MICALL1: variants seen among roughly 807,000 people sequenced by gnomAD.
MICALL1 encodes the protein MICAL-like protein 1.
Under a neutral mutation model 83.7 loss-of-function variants are expected in MICALL1, and 61 were observed. The observed-to-expected ratio is 0.73, with a 90% CI of 0.59 to 0.90. MICALL1 has a LOEUF of 0.90. MICALL1 is among the 40% of genes least tolerant of loss of function. The pLI, the probability that MICALL1 is intolerant of heterozygous loss-of-function variation, is 0.00. For synonymous variants in MICALL1, 481 were observed against 473.6 expected, an observed-to-expected ratio of 1.02 and a Z score of -0.20; for missense variants, 1,066 against 1,152.0, an observed-to-expected ratio of 0.93 and a Z score of 1.08.
chr22:37,927,131 T>G, intron 8 of MICALL1: 2 of 407,186 alleles, frequency 4.9e-6, no homozygotes, highest in East Asian at 3.6e-5. Context: ...CCCAAGGTGG[T>G]TTTGCTGTGG....
chr22:37,923,144 T>G (rs368237000), intron 6 of MICALL1, among the ~76,000 whole-genome samples: 3 of 152,128 alleles, frequency 2.0e-5, no homozygotes, highest in Middle Eastern at 3.4e-3. Context: ...TTGGCCAGGC[T>G]GGTCTCAAAC....
rs368254870 is a variant in MICALL1 at position 37,927,475 on chromosome 22, C to T, written c.1530C>T (p.Ser510=). The T allele has an allele frequency of 1.7e-5, 27 of 1,610,088 alleles. No homozygotes were observed. Among genetic ancestry groups the T allele is most frequent in the South Asian group, 1.6e-4 (15 of 91,016 alleles). ...CGGCCACACCATCGCCAGCGCTCAG[C>T]GTGGAGAGCCTGTCGTCTGAGAGCG... is the stretch of plus-strand genomic sequence containing the variant. ...PPSATPSPAL[S]VESLSSESAS... Residue 510 remains serine (S), a synonymous_variant, in exon 9 of 16, where the codon AGC becomes AGT. Coordinates refer to ENST00000215957, the MANE Select transcript of MICALL1 (RefSeq NM_033386.4).
rs377334869 is a variant in MICALL1 at position 37,937,716 on chromosome 22, G to A, written c.2424-30G>A. 2.0e-5 allele frequency: 33 copies of A among 1,610,690 alleles called. No individual in the cohort carries two copies. The East Asian group carries it at 3.1e-4, about 15-fold the overall frequency. On this transcript the variant is annotated intron_variant, in intron 14 of 15. Transcript: ENST00000215957. The stretch of plus-strand genomic sequence containing the variant: ...TGGGATTACAGGTGTGAGCCACCAC[G>A]CCCAGCTTAACTGCTGCTGCTTATT...
rs1929714517 is a variant in MICALL1 at position 37,930,233 on chromosome 22, G to C, written c.1882-1566G>C. On this transcript the variant is annotated intron_variant, in intron 9 of 15. Coordinates refer to ENST00000215957, the MANE Select transcript of MICALL1 (RefSeq NM_033386.4). This position sits in a 1 kb window ranked among gnomAD's most constrained non-coding sequence, Gnocchi z 4.8. ...TGCTGGCCCCTCTGGGTGTGTTAGA[G>C]GGAGGGGGCAGAACCCCGGGTGCAC... Among the ~76,000 whole-genome samples, 1 of 152,182 alleles carries C rather than the reference G, an allele frequency of 6.6e-6. No homozygotes were observed. Among genetic ancestry groups the C allele is most frequent in the Non-Finnish European group, 1.5e-5 (1 of 68,034 alleles).
intron 3 of MICALL1, among the ~76,000 whole-genome samples, chr22:37,913,976 A>G (rs990339506): frequency 8.0e-5 from 12 of 150,880 alleles, no homozygotes; most frequent in East Asian, 7.8e-4. Flanking sequence ...TCGGGGTTCA[A>G]GTGATTCTCC....
Position 37,906,313 on chromosome 22 carries a change from C to T in MICALL1, c.-110C>T. On this transcript the variant is annotated 5_prime_UTR_variant, in exon 1 of 16. Transcript: ENST00000215957. This position sits in a 1 kb window ranked among gnomAD's most constrained non-coding sequence, Gnocchi z 4.4. ...CCTCCCCTCGCCTGCCGGTCGGCGC[C>T]CGAGCTCGGAGCCGCAGCCGCAGCC... The T allele has an allele frequency of 1.2e-6, 1 of 841,134 alleles. No homozygotes were observed. The highest frequency in any genetic ancestry group is 1.4e-6 in the Non-Finnish European group (1 of 699,042). 52.1% of individuals were successfully genotyped at this position (841,134 alleles called of 1,614,324 possible). A position where few individuals can be genotyped will look rare whatever the true frequency, so the allele number is the denominator to read the frequency against.
intron 9 of MICALL1, among the ~76,000 whole-genome samples, chr22:37,931,167 C>CAAAT (rs1929765484): frequency 6.6e-6 from 1 of 152,204 alleles, no homozygotes; most frequent in African/African-American, 2.4e-5. Flanking sequence ...TGGCCGTGAG[C>CAAAT]AAATGACTTA....
chr22:37,924,582 C>A lies in MICALL1; in HGVS notation c.1025-78C>A. The A allele has an allele frequency of 7.0e-7, 1 of 1,436,680 alleles. No homozygotes were observed. The highest frequency in any genetic ancestry group is 1.2e-5 in the South Asian group (1 of 82,614). The allele number at this position is 1,436,680 out of a possible 1,614,324, so 89.0% of individuals were successfully genotyped here. On this transcript the variant is annotated intron_variant, in intron 6 of 15. Coordinates refer to ENST00000215957, the MANE Select transcript of MICALL1 (RefSeq NM_033386.4). The surrounding 1 kb of genome is among the most constrained non-coding windows in gnomAD (Gnocchi z 5.2). ...GGAAGGCGGGGCGCTCCTGGGGAGG[C>A]AGGTGCTGTGGCTGGCTCCCTGGGT... is the stretch of plus-strand genomic sequence containing the variant.
intron 15 of MICALL1, among the ~76,000 whole-genome samples, chr22:37,940,313 C>T (rs1273643262): frequency 6.6e-6 from 1 of 151,462 alleles, no homozygotes; most frequent in Non-Finnish European, 1.5e-5. Context: ...GTCCCAGCTA[C>T]TCGGGAGGCT....
At position 37,911,942 on chromosome 22, in the gene MICALL1, C is replaced by T; in HGVS notation, c.147-10C>T. 6.2e-7 allele frequency: 1 copy of T among 1,614,194 alleles called. No individual in the cohort carries two copies. Among genetic ancestry groups the T allele is most frequent in the South Asian group, 1.1e-5 (1 of 91,088 alleles). The stretch of plus-strand genomic sequence containing the variant: ...CTCTTGACCAACCCTCCTCCCTTTG[C>T]CTCTTGCAGAGATTTTGATTCGCTT... On this transcript the variant is annotated splice_polypyrimidine_tract_variant and intron_variant, in intron 1 of 15. Coordinates refer to ENST00000215957, the MANE Select transcript of MICALL1 (RefSeq NM_033386.4).
intron 3 of MICALL1, among the ~76,000 whole-genome samples, chr22:37,913,416 G>C (rs188629477): frequency 2.0e-5 from 3 of 152,190 alleles, no homozygotes; most frequent in Non-Finnish European, 2.9e-5. Flanking sequence ...AGCAGGTTGC[G>C]TTCATCCGCT....
chr22:37,915,939 G>C (rs191575748), intron 3 of MICALL1, among the ~76,000 whole-genome samples: 1 of 152,290 alleles, frequency 6.6e-6, no homozygotes, highest in Non-Finnish European at 1.5e-5. Flanking sequence ...GAGCCACTGC[G>C]CCCAGCCAAG....
chr22:37,911,616 G>A (rs1039681530), intron 1 of MICALL1, among the ~76,000 whole-genome samples: 3 of 152,230 alleles, frequency 2.0e-5, no homozygotes, highest in African/African-American at 7.2e-5. Flanking sequence ...ACGGACTCCA[G>A]GGGTGGCTTC....
intron 9 of MICALL1, among the ~76,000 whole-genome samples, chr22:37,929,143 C>T (rs973652432): frequency 1.3e-5 from 2 of 152,062 alleles, no homozygotes; most frequent in Non-Finnish European, 2.9e-5. Flanking sequence ...TCTTTGGCCT[C>T]CAGGGGCTCA....
At chr22:37,936,928 C>T in intron 13 of MICALL1, 152 bp from the exon 14 acceptor site, 1 of 600,228 alleles carries the variant, frequency 1.7e-6, no homozygotes. Context: ...TTGTAAGCCC[C>T]ACCTATCGGG....
intron 15 of MICALL1, among the ~76,000 whole-genome samples, chr22:37,938,945 G>A (rs1422224556): frequency 2.0e-5 from 3 of 152,032 alleles, no homozygotes; most frequent in African/African-American, 4.8e-5. Context: ...TAGTAGAAAC[G>A]GGGTTTCATC....
At chr22:37,922,597 ATATATTTTTTTTTTTTT>A (rs1450422330) in intron 6 of MICALL1, among the ~76,000 whole-genome samples, 171 bp downstream of exon 6, 1 of 77,158 alleles carries the variant, frequency 1.3e-5, no homozygotes, top group African/African-American at 5.6e-5. Context: ...ATATATATAT[ATATATTTTTTTTTTTTT>A]TTTTTTTTTT....
At position 37,930,901 on chromosome 22, in the gene MICALL1, G is replaced by C. The variant is rs1359482775; in HGVS notation, c.1882-898G>C. On this transcript the variant is annotated intron_variant, in intron 9 of 15. Coordinates refer to ENST00000215957, the MANE Select transcript of MICALL1 (RefSeq NM_033386.4). The surrounding 1 kb of genome is among the most constrained non-coding windows in gnomAD (Gnocchi z 4.8). ...CTCTCTGAGCCTCAGAGTCCCCAGCGGGGAGAGGGTGGTTATGAGGCCTGA... is the reference window on the plus strand; with the variant it reads ...CTCTCTGAGCCTCAGAGTCCCCAGCCGGGAGAGGGTGGTTATGAGGCCTGA... Among the ~76,000 whole-genome samples, 1 of 152,210 alleles carries C rather than the reference G, an allele frequency of 6.6e-6. No homozygotes were observed. The highest frequency in any genetic ancestry group is 1.5e-5 in the Non-Finnish European group (1 of 68,040).
At chr22:37,936,167 T>A (rs113502398) in intron 13 of MICALL1, among the ~76,000 whole-genome samples, 2,218 of 152,100 alleles carry the variant, frequency 0.015, 55 homozygotes, top group African/African-American at 0.05. Context: ...CTGGGGGTGG[T>A]CCTGTGGGTT....
Sources: allele counts gnomAD v4.1 joint callset (sites outside exome capture counted in the v4.1 genomes callset), GRCh38; gene constraint gnomAD v4.1.1; non-coding constraint Gnocchi (gnomAD v3.1); transcripts MANE v1.5; gene names NCBI Gene and HGNC (gene_info 2026-07-23, HGNC 2026-07-21).